Variants in CCSER1 observed in about 807,000 individuals in gnomAD.
The protein encoded by CCSER1 is serine-rich coiled-coil domain-containing protein 1.
Under a neutral mutation model 82.0 loss-of-function variants are expected in CCSER1, and 41 were observed. The observed-to-expected ratio is 0.50, with a 90% confidence interval of 0.39 to 0.65. CCSER1 has a LOEUF of 0.65. CCSER1 is among the 30% of genes least tolerant of loss of function. The pLI, the probability that CCSER1 is intolerant of heterozygous loss-of-function variation, is 0.00. For missense variants in CCSER1, 1,119 were observed against 1,064.2 expected, an observed-to-expected ratio of 1.05 and a Z score of -0.72; for synonymous variants, 414 against 383.9, an observed-to-expected ratio of 1.08 and a Z score of -0.92.
chr4:90,727,906 C>T (rs774587132), intron 7 of CCSER1, among the ~76,000 whole-genome samples: 11 of 152,056 alleles, frequency 7.2e-5, no homozygotes, highest in Admixed American at 6.6e-5. Context: ...TCCTACTGTA[C>T]TGTATTATAT....
intron 10 of CCSER1, among the ~76,000 whole-genome samples, chr4:91,284,729 T>C (rs1378960830): frequency 6.6e-6 from 1 of 152,102 alleles, no homozygotes; most frequent in Non-Finnish European, 1.5e-5. Context: ...GTGACTCTAA[T>C]TGTCATGCCT....
intron 10 of CCSER1, among the ~76,000 whole-genome samples, chr4:91,326,130 T>G (rs1490904247): frequency 2.0e-5 from 3 of 152,192 alleles, no homozygotes; most frequent in African/African-American, 7.2e-5. Flanking sequence ...ATTGATTAAA[T>G]TAGCACATGT....
chr4:90,801,938 G>A (rs1365796344), intron 7 of CCSER1, among the ~76,000 whole-genome samples: 1 of 151,920 alleles, frequency 6.6e-6, no homozygotes, highest in African/African-American at 2.4e-5. Flanking sequence ...TATAATTCTA[G>A]GCTGGGGGCG....
chr4:91,177,648 G>T (rs568447295), intron 10 of CCSER1, among the ~76,000 whole-genome samples: 6 of 152,248 alleles, frequency 3.9e-5, no homozygotes, highest in Non-Finnish European at 7.4e-5. Context: ...TTGTATTTCT[G>T]TCAGATCAGT....
At chr4:91,395,318 A>G (rs1384942613) in intron 10 of CCSER1, among the ~76,000 whole-genome samples, 1 of 152,058 alleles carries the variant, frequency 6.6e-6, no homozygotes, top group Admixed American at 6.6e-5. Flanking sequence ...CCCGTGCCCA[A>G]ATAGGGATGT....
At chr4:90,852,357 T>C (rs1763985706) in intron 8 of CCSER1, among the ~76,000 whole-genome samples, 1 of 152,204 alleles carries the variant, frequency 6.6e-6, no homozygotes, top group Non-Finnish European at 1.5e-5. Flanking sequence ...TGTTGAGGAA[T>C]GGTGTTTATG....
At chr4:91,209,121 A>G (rs999716559) in intron 10 of CCSER1, among the ~76,000 whole-genome samples, 4 of 151,876 alleles carry the variant, frequency 2.6e-5, no homozygotes, top group Non-Finnish European at 4.4e-5. Flanking sequence ...GGCAGAGACT[A>G]TGGGGTTTTC....
chr4:91,052,055 G>T (rs1743053242), intron 9 of CCSER1, among the ~76,000 whole-genome samples: 3 of 151,920 alleles, frequency 2.0e-5, no homozygotes, highest in South Asian at 4.1e-4. Context: ...GAAAATACAA[G>T]ATAATTATTT....
intron 5 of CCSER1, among the ~76,000 whole-genome samples, chr4:90,575,093 G>A (rs1219846398): frequency 3.3e-5 from 5 of 152,000 alleles, no homozygotes; most frequent in Admixed American, 2.0e-4. Flanking sequence ...TTGTTCACTC[G>A]CTTTTTAAAT....
At chr4:90,284,070 T>C (rs1213290849) in intron 1 of CCSER1, among the ~76,000 whole-genome samples, 1 of 152,108 alleles carries the variant, frequency 6.6e-6, no homozygotes, top group Non-Finnish European at 1.5e-5. Context: ...ATTTCTCTTA[T>C]TAGTGATGTT....
At chr4:91,155,224 G>T (rs1730696176) in intron 10 of CCSER1, among the ~76,000 whole-genome samples, 1 of 151,830 alleles carries the variant, frequency 6.6e-6, no homozygotes, top group African/African-American at 2.4e-5. Context: ...CCTGCTAGGA[G>T]GTAATTGAAT....
intron 8 of CCSER1, among the ~76,000 whole-genome samples, chr4:90,864,634 T>C (rs1442548404): frequency 6.6e-6 from 1 of 152,030 alleles, no homozygotes; most frequent in Non-Finnish European, 1.5e-5. Flanking sequence ...TTTGTGGTAT[T>C]CTCTTATAGC....
chr4:91,521,597 T>C (rs1235547248), intron 10 of CCSER1, among the ~76,000 whole-genome samples: 4 of 152,240 alleles, frequency 2.6e-5, no homozygotes, highest in Admixed American at 6.5e-5. Flanking sequence ...TGGTATCTCA[T>C]TGTGGTTTTG....
At chr4:91,214,035 G>A (rs1737044174) in intron 10 of CCSER1, among the ~76,000 whole-genome samples, 1 of 152,054 alleles carries the variant, frequency 6.6e-6, no homozygotes, top group African/African-American at 2.4e-5. Flanking sequence ...GGTTGAATAG[G>A]GGTCTTTTCT....
intron 9 of CCSER1, among the ~76,000 whole-genome samples, chr4:91,039,797 C>G (rs1159055435): frequency 6.6e-6 from 1 of 151,776 alleles, no homozygotes; most frequent in Non-Finnish European, 1.5e-5. Context: ...CACACACACA[C>G]ATACACGTAA....
chr4:91,570,820 A>G (rs1763140633), intron 10 of CCSER1, among the ~76,000 whole-genome samples: 1 of 152,144 alleles, frequency 6.6e-6, no homozygotes, highest in Non-Finnish European at 1.5e-5. Flanking sequence ...GCTCCTCATT[A>G]CTTATGCAAA....
At chr4:90,511,534 G>C (rs539833850) in intron 5 of CCSER1, among the ~76,000 whole-genome samples, 1 of 152,286 alleles carries the variant, frequency 6.6e-6, no homozygotes, top group Non-Finnish European at 1.5e-5. Flanking sequence ...TAGAGTTGGT[G>C]CATATAGGAA....
chr4:90,258,304 A>G (rs1042838421), intron 1 of CCSER1, among the ~76,000 whole-genome samples: 3 of 152,108 alleles, frequency 2.0e-5, no homozygotes, highest in Admixed American at 1.3e-4. Flanking sequence ...CATGAGGTCA[A>G]GAGATTGAGA....
At position 91,586,067 on chromosome 4, in the gene CCSER1, G is replaced by A. The variant is rs114454947; in HGVS notation, c.2218-12505G>A. Among the ~76,000 whole-genome samples, 79 of 151,630 alleles carry A rather than the reference G, an allele frequency of 5.2e-4. 1 individual carries two copies. Among genetic ancestry groups the A allele is most frequent in the Non-Finnish European group, 9.6e-4 (65 of 67,726 alleles). On this transcript the variant is annotated intron_variant, in intron 10 of 10. Transcript: ENST00000509176. ...TAGTGGGCAGAATATAAATAGAATC[G>A]CTGTCAACTAGTGATAGAGTGTAGA...
Sources: gnomAD v4.1 joint callset for allele counts (sites outside exome capture counted in the v4.1 genomes callset) on GRCh38, gnomAD v4.1.1 for gene constraint, MANE v1.5 for transcripts, NCBI Gene and HGNC (gene_info 2026-07-23, HGNC 2026-07-21) for gene names.